Variants in NEK11 observed in about 807,000 individuals in gnomAD.
NEK11 encodes serine/threonine-protein kinase Nek11.
A neutral mutation model predicts 80.7 loss-of-function variants in NEK11; 72 were observed. The ratio of observed to expected loss-of-function variants is 0.89; its 90% CI spans 0.74 to 1.08. The LOEUF (loss-of-function observed/expected upper bound fraction) is 1.08, where lower values mean the gene tolerates loss of function less well. Among genes scored for constraint, NEK11 ranks in the 50% least tolerant of loss-of-function variants. The pLI, the probability that NEK11 is intolerant of heterozygous loss-of-function variation, is 0.00. For missense variants in NEK11, 764 were observed against 763.6 expected (o/e 1.00, Z -0.01); for synonymous variants, 251 against 260.7 (o/e 0.96, Z 0.36).
chr3:131,306,354 G>C (rs1024560416), intron 17 of NEK11, among the ~76,000 whole-genome samples: 6 of 152,176 alleles, frequency 3.9e-5, no homozygotes, highest in Non-Finnish European at 8.8e-5. Flanking sequence ...TGCAGTAAGT[G>C]TAGGGGGAGG....
chr3:131,139,353 G>GAAAAAAAAAAAAAAAAAAA (rs71622003), intron 7 of NEK11, among the ~76,000 whole-genome samples: 1 of 107,564 alleles, frequency 9.3e-6, no homozygotes. Context: ...AGAGAAAAAA[G>GAAAAAAAAAAAAAAAAAAA]AAAAAAAAAA....
intron 14 of NEK11, among the ~76,000 whole-genome samples, chr3:131,194,342 A>G (rs2093918369): frequency 6.6e-6 from 1 of 152,208 alleles, no homozygotes; most frequent in African/African-American, 2.4e-5. Flanking sequence ...TTCTAGTTGA[A>G]TGTACAGCAA....
At chr3:131,112,975 A>G (rs1215669806) in intron 5 of NEK11, among the ~76,000 whole-genome samples, 1 of 152,240 alleles carries the variant, frequency 6.6e-6, no homozygotes, top group East Asian at 1.9e-4. Context: ...AGGTTAGATG[A>G]TAAATTATAT....
chr3:131,197,193 C>T (rs960169521), intron 14 of NEK11, among the ~76,000 whole-genome samples: 2 of 152,182 alleles, frequency 1.3e-5, no homozygotes, highest in African/African-American at 4.8e-5. Flanking sequence ...AGTCCTGTCT[C>T]TGAGTACCCC....
rs557863058 is a variant in NEK11, at chr3:131,105,218, A to C, written c.337-4585A>C. 2.6e-5 allele frequency among the ~76,000 whole-genome samples: 4 copies of C among 152,038 alleles called. No individual in the cohort carries two copies. The South Asian group carries it at 8.3e-4, about 31-fold the overall frequency. The stretch of plus-strand genomic sequence containing the variant: ...TCCTTAGCCAATTACCTAAAAGGTA[A>C]AAACAAAACAAACAAACAAAAAACC... On this transcript the variant is annotated intron_variant, in intron 4 of 17. Transcript: ENST00000383366.
rs541149789 is a variant in NEK11, at chr3:131,117,322, C to T, written c.455+7401C>T. Among the ~76,000 whole-genome samples the T allele has an allele frequency of 2.6e-4, 39 of 152,192 alleles. 2 individuals are homozygous for T. The South Asian group carries it at 7.5e-3, about 29-fold the overall frequency. On this transcript the variant is annotated intron_variant, in intron 5 of 17. Coordinates refer to ENST00000383366, the MANE Select transcript of NEK11 (RefSeq NM_024800.5). ...ATTATTTCTGAGGGCTCTGTTCTGT[C>T]CCATTGGTCTATATCTCTGTTTTGG...
Position 131,333,371 on chromosome 3 carries a change from T to A in NEK11, c.1719-16186T>A, listed in dbSNP as rs1239013109. ...AATTTCATATCCAGCCAAACCAAGCTTCATAAGTGGAGGAGAAATAAAATA... is the reference window on the plus strand; with the variant it reads ...AATTTCATATCCAGCCAAACCAAGCATCATAAGTGGAGGAGAAATAAAATA... On this transcript the variant is annotated intron_variant, in intron 17 of 17. Coordinates refer to ENST00000383366, the MANE Select transcript of NEK11 (RefSeq NM_024800.5). 2.6e-5 allele frequency among the ~76,000 whole-genome samples: 4 copies of A among 152,034 alleles called. No homozygotes were observed. In the South Asian group the frequency reaches 8.3e-4, roughly 31 times the overall value.
chr3:131,261,734 A>G (rs1477190858), intron 16 of NEK11, among the ~76,000 whole-genome samples: 1 of 152,036 alleles, frequency 6.6e-6, no homozygotes, highest in Non-Finnish European at 1.5e-5. Flanking sequence ...ATGTATATGT[A>G]CTCCATAGTA....
intron 5 of NEK11, among the ~76,000 whole-genome samples, chr3:131,114,188 A>T (rs2080629580): frequency 1.3e-5 from 2 of 152,324 alleles, no homozygotes; most frequent in South Asian, 4.1e-4. Flanking sequence ...AGTATAAAAC[A>T]TGTTTCCTTC....
chr3:131,174,749 T>A (rs1405564493), intron 14 of NEK11: 1 of 1,605,366 alleles, frequency 6.2e-7, no homozygotes, highest in African/African-American at 1.3e-5. Context: ...AGCATTTGTT[T>A]TATATTTTAT....
intron 7 of NEK11, among the ~76,000 whole-genome samples, chr3:131,137,218 C>T (rs925777): frequency 0.091 from 13,781 of 152,014 alleles, 1,141 homozygotes; most frequent in East Asian, 0.44. Flanking sequence ...GATCTTGGGG[C>T]AGAAGTGTCA....
intron 5 of NEK11, among the ~76,000 whole-genome samples, chr3:131,121,948 C>A (rs940530155): frequency 7.9e-5 from 12 of 152,230 alleles, no homozygotes; most frequent in African/African-American, 2.9e-4. Context: ...TGAGGTGATG[C>A]CCCGCCCTGC....
At chr3:131,259,648 C>A (rs555267009) in intron 16 of NEK11, among the ~76,000 whole-genome samples, 1 of 152,230 alleles carries the variant, frequency 6.6e-6, no homozygotes, top group East Asian at 1.9e-4. Context: ...CTTAGCCAAA[C>A]CCTCAGAGAG....
At chr3:131,308,100 A>G (rs1185355741) in intron 17 of NEK11, among the ~76,000 whole-genome samples, 4 of 152,232 alleles carry the variant, frequency 2.6e-5, no homozygotes, top group Non-Finnish European at 5.9e-5. Context: ...ATGCTTCTCT[A>G]CTGTCATGCA....
chr3:131,249,462 A>G (rs146633759), intron 16 of NEK11, among the ~76,000 whole-genome samples: 98 of 152,272 alleles, frequency 6.4e-4, no homozygotes, highest in African/African-American at 2.1e-3. Context: ...TGGCACAGCC[A>G]CAATATTCCT....
At chr3:131,119,275 C>T (rs573541173) in intron 5 of NEK11, among the ~76,000 whole-genome samples, 7 of 152,208 alleles carry the variant, frequency 4.6e-5, no homozygotes, top group South Asian at 2.1e-4. Flanking sequence ...TGTAGTTGAG[C>T]GGTTTTGAGT....
intron 12 of NEK11, among the ~76,000 whole-genome samples, chr3:131,168,546 C>G (rs1398116677): frequency 6.6e-6 from 1 of 151,162 alleles, no homozygotes; most frequent in Non-Finnish European, 1.5e-5. Context: ...TTAGTAGAGA[C>G]GGGGTTTCAC....
chr3:131,307,612 AGTT>A (rs371719226), intron 17 of NEK11, among the ~76,000 whole-genome samples: 33 of 152,348 alleles, frequency 2.2e-4, no homozygotes, highest in African/African-American at 7.7e-4. Context: ...TGCTGACCAT[AGTT>A]GTTGTGTGAA....
chr3:131,110,297 A>T (rs1175629530), intron 5 of NEK11, among the ~76,000 whole-genome samples: 2 of 152,126 alleles, frequency 1.3e-5, no homozygotes, highest in Non-Finnish European at 2.9e-5. Context: ...GTATGCCACA[A>T]ATGAATTGTG....
Sources: gnomAD v4.1 joint callset for allele counts (sites outside exome capture counted in the v4.1 genomes callset) on GRCh38, gnomAD v4.1.1 for gene constraint, MANE v1.5 for transcripts, NCBI Gene and HGNC (gene_info 2026-07-23, HGNC 2026-07-21) for gene names.